The following ACVR1C variants were observed in gnomAD, a reference collection of about 807,000 sequenced individuals.
The protein encoded by ACVR1C is activin A receptor type 1C.
A neutral mutation model predicts 57.9 loss-of-function variants in ACVR1C; 23 were observed. The ratio of observed to expected loss-of-function variants is 0.40; its 90% confidence interval spans 0.29 to 0.56. The LOEUF is 0.56. Ranked by LOEUF, ACVR1C falls within the 20% of genes least tolerant of loss-of-function variation. The pLI is 0.50. For missense variants in ACVR1C, 480 were observed against 607.9 expected, an observed-to-expected ratio of 0.79 and a Z score of 2.21; for synonymous variants, 214 against 215.3, an observed-to-expected ratio of 0.99 and a Z score of 0.05.
chr2:157,545,835 C>T (rs369258026), intron 4 of ACVR1C, among the ~76,000 whole-genome samples: 1 of 152,070 alleles, frequency 6.6e-6, no homozygotes, highest in Non-Finnish European at 1.5e-5. Context: ...AGTGCAGTGT[C>T]GCAATCTCGG....
chr2:157,527,696 T>C lies in ACVR1C; in HGVS notation c.*6222A>G, dbSNP rs1687260626. ...CTAGAATTTAATATTTTGGCTCAGA[T>C]ACTCTCATTTTGTATAAAGAGAAAA... is the stretch of plus-strand genomic sequence containing the variant. On this transcript the variant is annotated 3_prime_UTR_variant, in exon 9 of 9. Transcript: ENST00000243349. 1 of 152,230 alleles carries C rather than the reference T, an allele frequency of 6.6e-6. No individual in the cohort carries two copies. Among genetic ancestry groups the C allele is most frequent in the African/African-American group, 2.4e-5 (1 of 41,462 alleles). 9.4% of individuals were successfully genotyped at this position (152,230 alleles called of 1,614,324 possible).
intron 2 of ACVR1C, among the ~76,000 whole-genome samples, chr2:157,583,749 A>G (rs1203662516): frequency 6.6e-6 from 1 of 152,192 alleles, no homozygotes; most frequent in Non-Finnish European, 1.5e-5. Flanking sequence ...AAGTGCCACC[A>G]TAACTCAATG....
At chr2:157,538,544 G>A in intron 8 of ACVR1C, 29 bp downstream of exon 8, 1 of 1,522,500 alleles carries the variant, frequency 6.6e-7, no homozygotes, top group Non-Finnish European at 8.8e-7. Context: ...AATATAATAA[G>A]AAAAATATAG....
chr2:157,618,303 T>C (rs1021330810), intron 1 of ACVR1C, among the ~76,000 whole-genome samples: 8 of 151,716 alleles, frequency 5.3e-5, no homozygotes, highest in African/African-American at 1.7e-4. Context: ...TCACTAAAAA[T>C]AGAGAGGCAT....
At chr2:157,559,828 A>G (rs896529749) in intron 2 of ACVR1C, among the ~76,000 whole-genome samples, 1 of 152,000 alleles carries the variant, frequency 6.6e-6, no homozygotes, top group Non-Finnish European at 1.5e-5. Context: ...AAACTGAGAA[A>G]ATGCAAGGGA....
At chr2:157,536,800 T>G (rs1042945033) in intron 8 of ACVR1C, among the ~76,000 whole-genome samples, 1 of 152,122 alleles carries the variant, frequency 6.6e-6, no homozygotes, top group Admixed American at 6.6e-5. Context: ...TCCATGAGAT[T>G]GACATAAAAC....
chr2:157,543,794 C>T (rs1687674729), intron 5 of ACVR1C, among the ~76,000 whole-genome samples: 1 of 152,090 alleles, frequency 6.6e-6, no homozygotes, highest in Non-Finnish European at 1.5e-5. Context: ...ATTATACTTT[C>T]CAATTACTTT....
chr2:157,555,740 G>A (rs1449748039), intron 3 of ACVR1C, among the ~76,000 whole-genome samples: 2 of 152,042 alleles, frequency 1.3e-5, no homozygotes. Context: ...ACTCTTTTGT[G>A]TCCATAAAAC....
intron 1 of ACVR1C, among the ~76,000 whole-genome samples, chr2:157,626,572 C>T (rs916240139): frequency 2.6e-5 from 4 of 152,204 alleles, no homozygotes; most frequent in African/African-American, 7.2e-5. Flanking sequence ...AAGTACATGT[C>T]ATAAATGGCC....
intron 2 of ACVR1C, among the ~76,000 whole-genome samples, chr2:157,578,549 C>T (rs1688715644): frequency 6.6e-6 from 1 of 152,074 alleles, no homozygotes; most frequent in African/African-American, 2.4e-5. Flanking sequence ...TTCATTCCTC[C>T]TTGCATGTCA....
At position 157,615,157 on chromosome 2, in the gene ACVR1C, T is replaced by A. The variant is rs1682614331; in HGVS notation, c.73+13415A>T. Among the ~76,000 whole-genome samples, 3 of 152,064 alleles carry A rather than the reference T, an allele frequency of 2.0e-5. No individual in the cohort carries two copies. The South Asian group carries it at 6.2e-4, about 32-fold the overall frequency. On this transcript the variant is annotated intron_variant, in intron 1 of 8. Transcript: ENST00000243349. ...TATTAGCTTATTATTTTTACCATTT[T>A]AAAAATATTTTTAAGAGATGCCCTT...
intron 2 of ACVR1C, among the ~76,000 whole-genome samples, chr2:157,577,856 GTTTTGTTTTTGTTT>G (rs1439660414): frequency 2.6e-5 from 4 of 151,752 alleles, no homozygotes; most frequent in Admixed American, 6.6e-5. Context: ...TTTTCTGTTT[GTTTTGTTTTTGTTT>G]TTTTGTTTTT....
chr2:157,541,054 G>A (rs770269524), intron 7 of ACVR1C, 36 bp downstream of exon 7: 1 of 1,602,646 alleles, frequency 6.2e-7, no homozygotes, highest in Non-Finnish European at 8.5e-7. Context: ...GAGTATCAAG[G>A]AAAGGCAAAC....
At chr2:157,554,236 AAAGAAAGAAAGAAAG>A (rs1688010293) in intron 3 of ACVR1C, among the ~76,000 whole-genome samples, 1 of 134,200 alleles carries the variant, frequency 7.5e-6, no homozygotes, top group Admixed American at 7.1e-5. Flanking sequence ...AGAAAGAAAG[AAAGAAAGAAAGAAAG>A]AAAGAAAGAA....
At chr2:157,614,277 C>A (rs1244849302) in intron 1 of ACVR1C, among the ~76,000 whole-genome samples, 1 of 152,142 alleles carries the variant, frequency 6.6e-6, no homozygotes. Flanking sequence ...AGGTGAACCA[C>A]TTTGACCTAC....
chr2:157,572,943 A>G (rs1301106009), intron 2 of ACVR1C, among the ~76,000 whole-genome samples: 1 of 152,174 alleles, frequency 6.6e-6, no homozygotes. Flanking sequence ...AGTATTTCTC[A>G]GCATGCACAT....
chr2:157,596,650 G>GT (rs1176499136), intron 1 of ACVR1C, among the ~76,000 whole-genome samples: 13 of 152,046 alleles, frequency 8.6e-5, no homozygotes, highest in African/African-American at 2.9e-4. Flanking sequence ...TTTATGATTT[G>GT]TTTTTTAGAC....
At chr2:157,600,632 T>C (rs1261586510) in intron 1 of ACVR1C, among the ~76,000 whole-genome samples, 1 of 152,122 alleles carries the variant, frequency 6.6e-6, no homozygotes, top group African/African-American at 2.4e-5. Flanking sequence ...TTACATATGA[T>C]CAGATATGAT....
intron 5 of ACVR1C, among the ~76,000 whole-genome samples, chr2:157,543,171 G>T (rs1687662701): frequency 6.6e-6 from 1 of 152,166 alleles, no homozygotes; most frequent in African/African-American, 2.4e-5. Flanking sequence ...ACTGCTATGT[G>T]CTCATAAGAA....
Sources: allele counts gnomAD v4.1 joint callset (sites outside exome capture counted in the v4.1 genomes callset), GRCh38; gene constraint gnomAD v4.1.1; transcripts MANE v1.5; gene names NCBI Gene and HGNC (gene_info 2026-07-23, HGNC 2026-07-21).